The following CNTN5 variants were observed in gnomAD, a reference collection of about 807,000 sequenced individuals.
The protein encoded by CNTN5 is contactin-5.
CNTN5 carries 77 observed loss-of-function variants against 129.1 expected under a neutral mutation model. The ratio of observed to expected loss-of-function variants is 0.60; its 90% CI spans 0.50 to 0.72. The LOEUF (loss-of-function observed/expected upper bound fraction) is 0.72, where lower values mean the gene tolerates loss of function less well. Ranked by LOEUF, CNTN5 falls within the 30% of genes least tolerant of loss-of-function variation. The probability of loss-of-function intolerance (pLI) is 0.00; values close to 1 mark genes in which losing one functional copy is unlikely to be tolerated. For synonymous variants in CNTN5, 509 were observed against 465.6 expected (o/e 1.09, Z -1.20); for missense variants, 1,478 against 1,328.8 (o/e 1.11, Z -1.75).
chr11:99,204,756 A>G (rs564618201), intron 1 of CNTN5, among the ~76,000 whole-genome samples: 2 of 152,326 alleles, frequency 1.3e-5, no homozygotes, highest in East Asian at 1.9e-4. Flanking sequence ...TGAGGTTTGA[A>G]GAAAGCTCTG....
At chr11:100,327,847 G>T (rs1028966249) in intron 21 of CNTN5, among the ~76,000 whole-genome samples, 3 of 152,028 alleles carry the variant, frequency 2.0e-5, no homozygotes, top group Non-Finnish European at 4.4e-5. Flanking sequence ...GACAAAATTT[G>T]ATTATTAATA....
intron 2 of CNTN5, among the ~76,000 whole-genome samples, chr11:99,518,259 G>A (rs371217210): frequency 2.4e-4 from 37 of 152,188 alleles, no homozygotes; most frequent in African/African-American, 8.9e-4. Context: ...GTCATTCACA[G>A]GAAAGCAGCA....
intron 8 of CNTN5, among the ~76,000 whole-genome samples, chr11:99,968,707 G>T (rs577104558): frequency 1.8e-5 from 2 of 111,238 alleles, no homozygotes; most frequent in East Asian, 2.9e-4. Context: ...TCTAAGTGCT[G>T]CTCCTCGGGT....
chr11:99,364,457 G>A (rs1050147860), intron 2 of CNTN5, among the ~76,000 whole-genome samples: 58 of 152,156 alleles, frequency 3.8e-4, no homozygotes, highest in African/African-American at 1.3e-3. Context: ...CCTTGCTAAA[G>A]GTAACTCCAG....
chr11:99,382,406 A>T (rs1190642610), intron 2 of CNTN5, among the ~76,000 whole-genome samples: 1 of 152,184 alleles, frequency 6.6e-6, no homozygotes, highest in Non-Finnish European at 1.5e-5. Context: ...GAAAAGTGAA[A>T]ATATCATTAA....
At chr11:99,951,691 T>G (rs1950680949) in intron 7 of CNTN5, among the ~76,000 whole-genome samples, 1 of 152,154 alleles carries the variant, frequency 6.6e-6, no homozygotes, top group African/African-American at 2.4e-5. Context: ...TCTCTTTTGC[T>G]CATTCACAGT....
intron 7 of CNTN5, among the ~76,000 whole-genome samples, chr11:99,916,696 A>G (rs1363047374): frequency 1.3e-5 from 2 of 152,146 alleles, no homozygotes; most frequent in African/African-American, 4.8e-5. Context: ...GGCTTGAGGA[A>G]GCAGAAAACT....
chr11:100,300,223 A>G (rs1944181), intron 20 of CNTN5, among the ~76,000 whole-genome samples: 120,475 of 151,300 alleles, frequency 0.8, 49,061 homozygotes, highest in East Asian at 0.95. Flanking sequence ...ATACTGAATT[A>G]TTTCAAGTTT....
intron 4 of CNTN5, among the ~76,000 whole-genome samples, chr11:99,819,982 T>C (rs559808945): frequency 2.8e-4 from 42 of 152,310 alleles, no homozygotes; most frequent in South Asian, 8.3e-4. Context: ...CTAGGCCATC[T>C]GTGTTTATTG....
chr11:99,838,504 A>G (rs1947375242), intron 4 of CNTN5, among the ~76,000 whole-genome samples: 1 of 152,178 alleles, frequency 6.6e-6, no homozygotes, highest in South Asian at 2.1e-4. Context: ...AAACTTAGCA[A>G]TTTAAAACAA....
chr11:99,237,854 A>G (rs1436237316), intron 1 of CNTN5, among the ~76,000 whole-genome samples: 1 of 152,154 alleles, frequency 6.6e-6, no homozygotes, highest in African/African-American at 2.4e-5. Flanking sequence ...TTACTCTTGC[A>G]TTTTATCTCA....
chr11:99,890,803 G>A (rs1049139913), intron 6 of CNTN5, among the ~76,000 whole-genome samples: 7 of 152,058 alleles, frequency 4.6e-5, no homozygotes, highest in Non-Finnish European at 7.4e-5. Context: ...ACACAATCTC[G>A]ACTAAGGGAT....
At chr11:99,509,811 TA>T in intron 2 of CNTN5, among the ~76,000 whole-genome samples, 1 of 152,122 alleles carries the variant, frequency 6.6e-6, no homozygotes, top group East Asian at 1.9e-4. Flanking sequence ...TGTTATGAAT[TA>T]ATTTTCTCAA....
At chr11:99,633,232 T>C (rs1217322597) in intron 3 of CNTN5, among the ~76,000 whole-genome samples, 1 of 152,196 alleles carries the variant, frequency 6.6e-6, no homozygotes, top group African/African-American at 2.4e-5. Context: ...ATTCCTAGAA[T>C]TGTCAATTTG....
intron 3 of CNTN5, among the ~76,000 whole-genome samples, chr11:99,675,780 C>T (rs1953253348): frequency 6.6e-6 from 1 of 152,100 alleles, no homozygotes; most frequent in Non-Finnish European, 1.5e-5. Flanking sequence ...AGAGAAGGCA[C>T]ATAGCCCCTG....
At chr11:99,334,807 A>T (rs185958774) in intron 2 of CNTN5, among the ~76,000 whole-genome samples, 50 of 144,514 alleles carry the variant, frequency 3.5e-4, no homozygotes, top group Admixed American at 2.3e-3. Context: ...TTGGGTTAAC[A>T]AAATATATTT....
chr11:99,168,766 TA>T, intron 1 of CNTN5, among the ~76,000 whole-genome samples: 1 of 152,270 alleles, frequency 6.6e-6, no homozygotes, highest in Admixed American at 6.5e-5. Context: ...TAAAATATAT[TA>T]AAATGTGGCA....
chr11:100,054,734 G>A (rs761173866), intron 9 of CNTN5, among the ~76,000 whole-genome samples: 2 of 151,646 alleles, frequency 1.3e-5, no homozygotes, highest in Non-Finnish European at 3.0e-5. Flanking sequence ...GTAAGATAAT[G>A]CTAGAAGGCA....
chr11:99,191,566 G>T (rs1159229806), intron 1 of CNTN5, among the ~76,000 whole-genome samples: 1 of 151,630 alleles, frequency 6.6e-6, no homozygotes, highest in African/African-American at 2.4e-5. Flanking sequence ...AGTATTTTAG[G>T]CCATGCAATA....
Sources: allele counts gnomAD v4.1 joint callset (sites outside exome capture counted in the v4.1 genomes callset), GRCh38; gene constraint gnomAD v4.1.1; transcripts MANE v1.5; gene names NCBI Gene and HGNC (gene_info 2026-07-23, HGNC 2026-07-21).